Variants in SETD2 observed in about 807,000 individuals in gnomAD.
SETD2 encodes SET domain containing 2, histone lysine methyltransferase, also known as histone-lysine N-methyltransferase SETD2.
A neutral mutation model predicts 242.1 loss-of-function variants in SETD2; 31 were observed. The observed-to-expected ratio is 0.13, with a 90% CI of 0.10 to 0.17. The LOEUF (loss-of-function observed/expected upper bound fraction) is 0.17, where lower values mean the gene tolerates loss of function less well. Among genes scored for constraint, SETD2 ranks in the 10% least tolerant of loss-of-function variants. The pLI is 1.00. For missense variants in SETD2, 2,481 were observed against 3,046.3 expected, an observed-to-expected ratio of 0.81 and a Z score of 4.37; for synonymous variants, 1,006 against 1,066.5, an observed-to-expected ratio of 0.94 and a Z score of 1.11.
At chr3:47,050,728 T>C (rs1029830440) in intron 15 of SETD2, among the ~76,000 whole-genome samples, 8 of 118,020 alleles carry the variant, frequency 6.8e-5, no homozygotes, top group African/African-American at 2.0e-4. Context: ...TCTCTCTTTT[T>C]TTTTTTTTTT....
chr3:47,025,604 C>T (rs2038437944), intron 18 of SETD2, among the ~76,000 whole-genome samples: 1 of 152,184 alleles, frequency 6.6e-6, no homozygotes, highest in Non-Finnish European at 1.5e-5. Context: ...CAAACTCTCA[C>T]CAAACCAAAT....
intron 5 of SETD2, 118 bp downstream of exon 5, chr3:47,113,758 G>T: frequency 2.2e-6 from 2 of 906,618 alleles, no homozygotes; most frequent in South Asian, 1.9e-5. Flanking sequence ...AGAATTGCTT[G>T]AATCCGGGAG....
At chr3:47,070,065 TC>T (rs1442461499) in intron 12 of SETD2, among the ~76,000 whole-genome samples, 1 of 152,208 alleles carries the variant, frequency 6.6e-6, no homozygotes, top group Non-Finnish European at 1.5e-5. Context: ...TGACCTAGTT[TC>T]TTTTGCATAA....
chr3:47,049,791 C>A, intron 15 of SETD2, among the ~76,000 whole-genome samples: 1 of 77,242 alleles, frequency 1.3e-5, no homozygotes, highest in Non-Finnish European at 2.4e-5. Context: ...TATATATAAA[C>A]TTATTCTGAG....
chr3:47,084,526 G>A (rs1351368364), intron 11 of SETD2, 144 bp from the exon 12 acceptor site: 2 of 604,970 alleles, frequency 3.3e-6, no homozygotes, highest in Admixed American at 6.1e-5. Flanking sequence ...CTGGGTTCAA[G>A]CAATTCTCCT....
intron 4 of SETD2, 143 bp downstream of exon 4, chr3:47,116,480 C>A: frequency 1.5e-6 from 1 of 682,582 alleles, no homozygotes; most frequent in East Asian, 2.7e-5. Flanking sequence ...TTCTACTATA[C>A]ATCAAAGTGT....
At position 47,093,717 on chromosome 3, in the gene SETD2, T is replaced by C. The variant is rs920829892; in HGVS notation, c.5142+4238A>G. On this transcript the variant is annotated intron_variant, in intron 9 of 20. Coordinates refer to ENST00000409792, the MANE Select transcript of SETD2 (RefSeq NM_014159.7). ...CCAGGAACTGCTGGCTCATATGGTA[T>C]ATGTTCTTTCACTTCAGTAAATAAT... 3.9e-5 allele frequency among the ~76,000 whole-genome samples: 6 copies of C among 152,358 alleles called. No homozygotes were observed. The South Asian group carries it at 1.0e-3, about 26-fold the overall frequency.
At position 47,057,027 on chromosome 3, in the gene SETD2, T is replaced by C; in HGVS notation, c.6757A>G (p.Ser2253Gly). The change falls in exon 15 of 21, where the codon AGC (serine) becomes GGC (glycine). Residue 2253 changes from serine (S) to glycine (G), a missense_variant. Physicochemically the swap from Ser to Gly is moderately conservative, Grantham distance 56 (BLOSUM62 0). Coordinates refer to ENST00000409792, the MANE Select transcript of SETD2 (RefSeq NM_014159.7). Reference sequence around the variant, plus strand: ...GCCGGCACTGGCAAGACAGCAACGCTGGAGTCTTGGTGTACTACACCATCA... The same window carrying C: ...GCCGGCACTGGCAAGACAGCAACGCCGGAGTCTTGGTGTACTACACCATCA... ...QSDGVVHQDS[S>G]VAVLPVPAPG... 1 of 1,614,276 alleles carries C rather than the reference T, an allele frequency of 6.2e-7. No individual in the cohort carries two copies. The highest frequency in any genetic ancestry group is 8.5e-7 in the Non-Finnish European group (1 of 1,180,050).
chr3:47,066,986 C>A, intron 13 of SETD2, 84 bp downstream of exon 13: 1 of 986,672 alleles, frequency 1.0e-6, no homozygotes, highest in Non-Finnish European at 1.5e-6. Flanking sequence ...AAAACAAAAA[C>A]GCTTAAGTTC....
chr3:47,064,073 T>C (rs1377057512), intron 13 of SETD2, among the ~76,000 whole-genome samples: 6 of 152,248 alleles, frequency 3.9e-5, no homozygotes, highest in African/African-American at 1.4e-4. Context: ...GCTTTGTGTA[T>C]GTTAGTATTG....
At chr3:47,125,926 C>T (rs1263121138) in intron 2 of SETD2, among the ~76,000 whole-genome samples, 1 of 152,198 alleles carries the variant, frequency 6.6e-6, no homozygotes, top group Admixed American at 6.5e-5. Context: ...AGTAACTTCC[C>T]TTTCAACACA....
chr3:47,133,182 A>G lies in SETD2; in HGVS notation c.72-6519T>C, dbSNP rs574257016. Among the ~76,000 whole-genome samples, 8 of 152,246 alleles carry G rather than the reference A, an allele frequency of 5.3e-5. No individual in the cohort carries two copies. In the East Asian group the frequency reaches 5.8e-4, roughly 11 times the overall value. On this transcript the variant is annotated intron_variant, in intron 1 of 20. Coordinates refer to ENST00000409792, the MANE Select transcript of SETD2 (RefSeq NM_014159.7). ...GTTCTTATCTCGGGAATCTGGGTGA[A>G]GGGTATATAGGAAATCTCTGTGTTT...
At chr3:47,082,017 G>C (rs571847286) in intron 12 of SETD2, among the ~76,000 whole-genome samples, 2 of 152,306 alleles carry the variant, frequency 1.3e-5, no homozygotes, top group African/African-American at 2.4e-5. Context: ...TCAGATAGGA[G>C]TGGGGAAGAT....
At chr3:47,113,679 T>C (rs916960370) in intron 5 of SETD2, among the ~76,000 whole-genome samples, 197 bp downstream of exon 5, 1 of 151,664 alleles carries the variant, frequency 6.6e-6, no homozygotes, top group East Asian at 1.9e-4. Context: ...ACCAAAAAAA[T>C]ACAAAAAAAA....
chr3:47,069,211 T>C (rs2107605317), intron 12 of SETD2, among the ~76,000 whole-genome samples: 1 of 152,350 alleles, frequency 6.6e-6, no homozygotes, highest in Non-Finnish European at 1.5e-5. Context: ...AAGGTTATGA[T>C]GCTACCAGAC....
intron 1 of SETD2, among the ~76,000 whole-genome samples, chr3:47,137,443 A>G (rs1376798677): frequency 6.6e-6 from 1 of 152,036 alleles, no homozygotes; most frequent in African/African-American, 2.4e-5. Flanking sequence ...CACCCACCTC[A>G]GCCACCCAAA....
At chr3:47,143,763 T>C (rs537862215) in intron 1 of SETD2, among the ~76,000 whole-genome samples, 5 of 152,040 alleles carry the variant, frequency 3.3e-5, no homozygotes, top group Admixed American at 2.6e-4. Flanking sequence ...CAGGCTGGAG[T>C]GCAGTGGCGC....
intron 8 of SETD2, among the ~76,000 whole-genome samples, chr3:47,100,781 C>A (rs1283678391): frequency 6.6e-6 from 1 of 151,306 alleles, no homozygotes; most frequent in Non-Finnish European, 1.5e-5. Flanking sequence ...GAGGCAGAGG[C>A]GGGCGGATCA....
intron 5 of SETD2, among the ~76,000 whole-genome samples, chr3:47,110,702 A>G (rs964252765): frequency 6.6e-6 from 1 of 152,196 alleles, no homozygotes; most frequent in Non-Finnish European, 1.5e-5. Context: ...TGAAATTCAT[A>G]AACTATTGGT....
Sources: allele counts gnomAD v4.1 joint callset (sites outside exome capture counted in the v4.1 genomes callset), GRCh38; gene constraint gnomAD v4.1.1; transcripts MANE v1.5; gene names NCBI Gene and HGNC (gene_info 2026-07-23, HGNC 2026-07-21).